Variants in RAP1GAP2 observed in about 807,000 individuals in gnomAD.
The protein encoded by RAP1GAP2 is RAP1 GTPase activating protein 2.
Under a neutral mutation model 95.0 loss-of-function variants are expected in RAP1GAP2, and 27 were observed. That is an observed-to-expected ratio of 0.28 (90% confidence interval 0.21 to 0.39). The LOEUF is 0.39. Ranked by LOEUF, RAP1GAP2 falls within the 10% of genes least tolerant of loss-of-function variation. The probability of loss-of-function intolerance (pLI) is 1.00; values close to 1 mark genes in which losing one functional copy is unlikely to be tolerated. For missense variants in RAP1GAP2, 771 were observed against 970.0 expected (o/e 0.79, Z 2.72); for synonymous variants, 373 against 380.9 (o/e 0.98, Z 0.24).
upstream of RAP1GAP2, among the ~76,000 whole-genome samples, chr17:2,795,050 G>A (rs1447187570): frequency 6.6e-6 from 1 of 151,830 alleles, no homozygotes; most frequent in Non-Finnish European, 1.5e-5. Flanking sequence ...GCTCATTTTT[G>A]TATTTTTAGT....
At chr17:2,991,632 T>A (rs984401793) in intron 12 of RAP1GAP2, among the ~76,000 whole-genome samples, 12 of 152,226 alleles carry the variant, frequency 7.9e-5, no homozygotes, top group African/African-American at 2.9e-4. Context: ...CCGCCCCAGA[T>A]GTGCCTTCCT....
Position 2,855,922 on chromosome 17 carries a change from T to G in RAP1GAP2, c.81-49362T>G. Among the ~76,000 whole-genome samples, 1 of 152,324 alleles carries G rather than the reference T, an allele frequency of 6.6e-6. No individual in the cohort carries two copies. Among genetic ancestry groups the G allele is most frequent in the South Asian group, 2.1e-4 (1 of 4,826 alleles). On this transcript the variant is annotated intron_variant, in intron 2 of 24. Transcript: ENST00000254695. This position sits in a 1 kb window ranked among gnomAD's most constrained non-coding sequence, Gnocchi z 4.3. ...AGCCACCGTGCCCGGCTGAAGTGAA[T>G]CTATTTAATAGAAATAGTAGTAATA...
At chr17:2,784,077 A>G (rs1010286037) in intron 1 of RAP1GAP2, among the ~76,000 whole-genome samples, 8 of 151,878 alleles carry the variant, frequency 5.3e-5, no homozygotes, top group African/African-American at 1.9e-4. Flanking sequence ...GGTTTAAGTG[A>G]TTCTCTTGTC....
intron 2 of RAP1GAP2, among the ~76,000 whole-genome samples, chr17:2,897,273 G>T (rs2041864502): frequency 6.6e-6 from 1 of 152,094 alleles, no homozygotes; most frequent in Non-Finnish European, 1.5e-5. Context: ...AGGAGGCGGA[G>T]GCTGCAGTGA....
chr17:2,894,931 G>C (rs2073838843), intron 2 of RAP1GAP2, among the ~76,000 whole-genome samples: 1 of 152,128 alleles, frequency 6.6e-6, no homozygotes, highest in South Asian at 2.1e-4. Context: ...CTCCAGCAAA[G>C]CTCTGCAGGT....
At chr17:2,881,758 T>C (rs1041358303) in intron 2 of RAP1GAP2, among the ~76,000 whole-genome samples, 2 of 152,254 alleles carry the variant, frequency 1.3e-5, no homozygotes, top group African/African-American at 4.8e-5. Context: ...TATTGTTATC[T>C]GTTTTTTTGC....
chr17:2,791,344 G>T (rs1196733667), intron 1 of RAP1GAP2, among the ~76,000 whole-genome samples: 1 of 152,164 alleles, frequency 6.6e-6, no homozygotes, highest in Admixed American at 6.5e-5. Context: ...ACCCACAGCA[G>T]GCTCTGGGAA....
At position 2,797,334 on chromosome 17, in the gene RAP1GAP2, G is replaced by T. The variant is rs178565; in HGVS notation, c.44+763G>T. Among the ~76,000 whole-genome samples, 3 of 152,172 alleles carry T rather than the reference G, an allele frequency of 2.0e-5. No homozygotes were observed. The highest frequency in any genetic ancestry group is 2.1e-4 in the South Asian group (1 of 4,828). On this transcript the variant is annotated intron_variant, in intron 1 of 24. Transcript: ENST00000254695. The surrounding 1 kb of genome is among the most constrained non-coding windows in gnomAD (Gnocchi z 5.6). ...ATGTGCTTTTTCTTCCCGGCGGGGG[G>T]CAGAAGGTAGGCACACGAAGGCCAA...
At chr17:2,769,939 G>C (rs1325506404) in intron 1 of RAP1GAP2, among the ~76,000 whole-genome samples, 1 of 151,956 alleles carries the variant, frequency 6.6e-6, no homozygotes, top group Non-Finnish European at 1.5e-5. Context: ...GAGGCGTGGT[G>C]GTGGGCACCT....
chr17:2,975,760 G>A lies in RAP1GAP2; in HGVS notation c.597-4527G>A, dbSNP rs560754370. Among the ~76,000 whole-genome samples the A allele has an allele frequency of 2.6e-5, 4 of 152,376 alleles. No homozygotes were observed. The East Asian group carries it at 7.7e-4, about 29-fold the overall frequency. On this transcript the variant is annotated intron_variant, in intron 8 of 24. Transcript: ENST00000254695. ...AGGGGGCTTGCCCCTGGCCCGCACT[G>A]CCTGTGACTGGGTGGGTAAGTTGGG... is the stretch of plus-strand genomic sequence containing the variant.
chr17:2,783,167 C>T (rs896099956), intron 1 of RAP1GAP2, among the ~76,000 whole-genome samples: 10 of 152,242 alleles, frequency 6.6e-5, no homozygotes, highest in African/African-American at 2.2e-4. Context: ...TCTGCTGTTC[C>T]CTCCGCTCTT....
chr17:2,927,351 C>T (rs1449415512), intron 3 of RAP1GAP2, among the ~76,000 whole-genome samples: 4 of 151,674 alleles, frequency 2.6e-5, no homozygotes, highest in South Asian at 2.1e-4. Flanking sequence ...GACGGGGTTT[C>T]ACCGTGTTAG....
Position 2,989,092 on chromosome 17 carries a change from CA to C in RAP1GAP2, c.814-2195del, listed in dbSNP as rs547650695. Among the ~76,000 whole-genome samples the C allele has an allele frequency of 4.9e-4, 56 of 113,934 alleles. No homozygotes were observed. The East Asian group carries it at 0.014, about 29-fold the overall frequency. 74.7% of individuals were successfully genotyped at this position (113,934 alleles called of 152,430 possible). Reference sequence around the variant, plus strand: ...TCTGTCTCAAAAAACAAAAACAAAACAAAAAAAAAACTGCCAAACAGTTTTC... The same window carrying C: ...TCTGTCTCAAAAAACAAAAACAAAACAAAAAAAAACTGCCAAACAGTTTTC... On this transcript the variant is annotated intron_variant, in intron 11 of 24. Transcript: ENST00000254695.
chr17:2,899,802 C>A (rs1050440376), intron 2 of RAP1GAP2, among the ~76,000 whole-genome samples: 6 of 152,218 alleles, frequency 3.9e-5, no homozygotes, highest in Admixed American at 3.9e-4. Flanking sequence ...TGAGCCACTG[C>A]CCGTGGTCCT....
chr17:2,840,767 G>A (rs147367121), intron 2 of RAP1GAP2, among the ~76,000 whole-genome samples: 5,446 of 152,288 alleles, frequency 0.036, 148 homozygotes, highest in Non-Finnish European at 0.059. Context: ...GGAGGCTGAA[G>A]TGAGTGGATT....
At chr17:2,988,348 C>T (rs1242714311) in intron 11 of RAP1GAP2, among the ~76,000 whole-genome samples, 1 of 152,202 alleles carries the variant, frequency 6.6e-6, no homozygotes, top group African/African-American at 2.4e-5. Flanking sequence ...AACGATAGCA[C>T]AATACCACAA....
rs539947946 is a variant in RAP1GAP2, at chr17:2,953,963, T to C, written c.166-3796T>C. Among the ~76,000 whole-genome samples, 204 of 152,318 alleles carry C rather than the reference T, an allele frequency of 1.3e-3. 2 individuals carry two copies. The highest frequency in any genetic ancestry group is 4.7e-3 in the African/African-American group (197 of 41,578). On this transcript the variant is annotated intron_variant, in intron 3 of 24. Coordinates refer to ENST00000254695, the MANE Select transcript of RAP1GAP2 (RefSeq NM_015085.5). ...ACCTTTTTATTGCTTTGAAACGAAA[T>C]CCGTACCTTTTAGCTATCACCTTCC...
At chr17:3,026,202 A>G in intron 20 of RAP1GAP2, 81 bp downstream of exon 20, 4 of 1,328,844 alleles carry the variant, frequency 3.0e-6, no homozygotes, top group East Asian at 4.9e-5. Context: ...GCCAGCTGAG[A>G]GTGGCCATCT....
intron 2 of RAP1GAP2, among the ~76,000 whole-genome samples, chr17:2,886,443 G>A (rs1049760918): frequency 1.3e-5 from 2 of 151,984 alleles, no homozygotes; most frequent in Non-Finnish European, 2.9e-5. Flanking sequence ...AAAGTACTGG[G>A]ATTACAGGTG....
Sources: allele counts gnomAD v4.1 joint callset (sites outside exome capture counted in the v4.1 genomes callset), GRCh38; gene constraint gnomAD v4.1.1; non-coding constraint Gnocchi (gnomAD v3.1); transcripts MANE v1.5; gene names NCBI Gene and HGNC (gene_info 2026-07-23, HGNC 2026-07-21).